The following KCTD8 variants were observed in gnomAD, a reference collection of about 807,000 sequenced individuals.
KCTD8 encodes the protein BTB/POZ domain-containing protein KCTD8.
KCTD8 carries 27 observed loss-of-function variants against 31.5 expected under a neutral mutation model. The ratio of observed to expected loss-of-function variants is 0.86; its 90% CI spans 0.63 to 1.18. The LOEUF is 1.18. KCTD8 is among the 50% of genes most tolerant of loss of function. The probability of loss-of-function intolerance (pLI) is 0.00; values close to 1 mark genes in which losing one functional copy is unlikely to be tolerated. For missense variants in KCTD8, 658 were observed against 647.7 expected (o/e 1.02, Z -0.17); for synonymous variants, 290 against 280.0 (o/e 1.04, Z -0.36).
chr4:44,234,374 T>C (rs563204922), intron 1 of KCTD8, among the ~76,000 whole-genome samples: 2 of 152,248 alleles, frequency 1.3e-5, no homozygotes, highest in African/African-American at 4.8e-5. Context: ...TCAGGGCAGA[T>C]GAAGTCATAA....
chr4:44,320,263 C>T (rs2109405521), intron 1 of KCTD8, among the ~76,000 whole-genome samples: 1 of 151,144 alleles, frequency 6.6e-6, no homozygotes, highest in South Asian at 2.1e-4. Context: ...CAAATCACTC[C>T]CATCCCTTCC....
At chr4:44,409,766 T>A (rs1720905716) in intron 1 of KCTD8, among the ~76,000 whole-genome samples, 3 of 133,272 alleles carry the variant, frequency 2.3e-5, no homozygotes. Flanking sequence ...ACAGCCCTCA[T>A]CTTCAGGTTT....
At chr4:44,184,997 G>A (rs1713537176) in intron 1 of KCTD8, among the ~76,000 whole-genome samples, 1 of 152,168 alleles carries the variant, frequency 6.6e-6, no homozygotes, top group Non-Finnish European at 1.5e-5. Context: ...ATGTAATGCA[G>A]CATAAGAAAA....
At chr4:44,306,796 T>C (rs1423578619) in intron 1 of KCTD8, among the ~76,000 whole-genome samples, 1 of 152,010 alleles carries the variant, frequency 6.6e-6, no homozygotes, top group Non-Finnish European at 1.5e-5. Context: ...AAAATTGGCC[T>C]TCTATTAGTA....
intron 1 of KCTD8, among the ~76,000 whole-genome samples, chr4:44,287,272 CATTAA>C (rs1560415950): frequency 1.3e-5 from 2 of 151,980 alleles, no homozygotes; most frequent in African/African-American, 4.8e-5. Flanking sequence ...AATAAATAAA[CATTAA>C]ATTAATTTGA....
intron 1 of KCTD8, among the ~76,000 whole-genome samples, chr4:44,232,759 C>A (rs891787227): frequency 6.6e-5 from 10 of 151,968 alleles, no homozygotes; most frequent in Non-Finnish European, 1.3e-4. Context: ...ACAGTAGCTG[C>A]TATGTTTTAT....
intron 1 of KCTD8, among the ~76,000 whole-genome samples, chr4:44,408,178 T>C (rs1720850386): frequency 6.6e-6 from 1 of 152,140 alleles, no homozygotes; most frequent in Admixed American, 6.5e-5. Flanking sequence ...CAGGAGAAAA[T>C]ACTGCCTAAT....
At chr4:44,414,834 T>C (rs181763889) in intron 1 of KCTD8, among the ~76,000 whole-genome samples, 1 of 152,246 alleles carries the variant, frequency 6.6e-6, no homozygotes, top group African/African-American at 2.4e-5. Flanking sequence ...ATCCCCTTGG[T>C]AGCACTAACT....
chr4:44,201,702 A>C (rs538263014), intron 1 of KCTD8, among the ~76,000 whole-genome samples: 2 of 152,266 alleles, frequency 1.3e-5, no homozygotes, highest in South Asian at 4.1e-4. Context: ...AAATCTTAGA[A>C]GATAACCTAG....
intron 1 of KCTD8, among the ~76,000 whole-genome samples, chr4:44,229,066 CCG>C (rs1380144519): frequency 6.6e-6 from 1 of 152,114 alleles, no homozygotes; most frequent in East Asian, 1.9e-4. Flanking sequence ...TATTCAATTT[CCG>C]CATTTGCAAA....
rs571299671 is a variant in KCTD8, at chr4:44,290,796, G to T, written c.962-115546C>A. On this transcript the variant is annotated intron_variant, in intron 1 of 1. Transcript: ENST00000360029. Reference sequence around the variant, plus strand: ...GAGACACATCTTACCAAAAGGTTTGGGATGCAGCTAAAGGAGTATTAAGGG... The same window carrying T: ...GAGACACATCTTACCAAAAGGTTTGTGATGCAGCTAAAGGAGTATTAAGGG... Among the ~76,000 whole-genome samples the T allele has an allele frequency of 2.6e-5, 4 of 152,078 alleles. No individual in the cohort carries two copies. The South Asian group carries it at 8.3e-4, about 32-fold the overall frequency.
At chr4:44,422,282 G>A (rs928548185) in intron 1 of KCTD8, among the ~76,000 whole-genome samples, 6 of 152,024 alleles carry the variant, frequency 3.9e-5, no homozygotes, top group Admixed American at 1.3e-4. Flanking sequence ...TATATAATAT[G>A]AGGATTTTCT....
At chr4:44,219,327 T>C in intron 1 of KCTD8, among the ~76,000 whole-genome samples, 1 of 152,238 alleles carries the variant, frequency 6.6e-6, no homozygotes, top group East Asian at 1.9e-4. Context: ...TATGTTGAAG[T>C]CTTAACTTCC....
intron 1 of KCTD8, among the ~76,000 whole-genome samples, chr4:44,403,030 A>T (rs1340408795): frequency 1.3e-5 from 2 of 152,216 alleles, no homozygotes; most frequent in African/African-American, 4.8e-5. Context: ...TGGAACCAGA[A>T]GCTAGTCTGT....
chr4:44,281,263 G>A (rs902485311), intron 1 of KCTD8, among the ~76,000 whole-genome samples: 1 of 151,998 alleles, frequency 6.6e-6, no homozygotes, highest in Non-Finnish European at 1.5e-5. Flanking sequence ...TCACATTCCT[G>A]GTTGTTGAGT....
chr4:44,315,953 T>C (rs1577611418), intron 1 of KCTD8, among the ~76,000 whole-genome samples: 2 of 152,182 alleles, frequency 1.3e-5, no homozygotes, highest in South Asian at 2.1e-4. Flanking sequence ...TTTTGCCTGA[T>C]GTTGTTCAGC....
intron 1 of KCTD8, among the ~76,000 whole-genome samples, chr4:44,374,295 C>T (rs532075662): frequency 6.6e-6 from 1 of 152,156 alleles, no homozygotes; most frequent in Admixed American, 6.6e-5. Flanking sequence ...CTAGCTCCCA[C>T]CTTTTCTTCT....
At chr4:44,374,068 T>C (rs1719858858) in intron 1 of KCTD8, among the ~76,000 whole-genome samples, 2 of 152,154 alleles carry the variant, frequency 1.3e-5, no homozygotes, top group Admixed American at 1.3e-4. Flanking sequence ...ATTTTGGCAA[T>C]CTCCAAAATC....
intron 1 of KCTD8, among the ~76,000 whole-genome samples, chr4:44,405,570 G>A (rs1720773766): frequency 6.6e-6 from 1 of 151,928 alleles, no homozygotes; most frequent in Non-Finnish European, 1.5e-5. Context: ...ACCCGGCCCA[G>A]CCAGGTCTTT....
Sources: allele counts gnomAD v4.1 joint callset (sites outside exome capture counted in the v4.1 genomes callset), GRCh38; gene constraint gnomAD v4.1.1; transcripts MANE v1.5; gene names NCBI Gene and HGNC (gene_info 2026-07-23, HGNC 2026-07-21).